The following NEXMIF variants were observed in gnomAD, a reference collection of about 807,000 sequenced individuals.
NEXMIF encodes neurite extension and migration factor.
Under a neutral mutation model 62.1 loss-of-function variants are expected in NEXMIF, and 8 were observed. That is an observed-to-expected ratio of 0.13 (90% confidence interval 0.08 to 0.23). The LOEUF (loss-of-function observed/expected upper bound fraction) is 0.23, where lower values mean the gene tolerates loss of function less well. NEXMIF is among the 10% of genes least tolerant of loss of function. The pLI is 1.00. For synonymous variants in NEXMIF, 404 were observed against 416.6 expected (o/e 0.97, Z 0.37); for missense variants, 976 against 1,113.3 (o/e 0.88, Z 1.75).
chrX:74,801,671 A>G (rs1371519518), intron 1 of NEXMIF, among the ~76,000 whole-genome samples: 1 of 112,262 alleles, frequency 8.9e-6, no homozygotes, highest in Admixed American at 9.4e-5. Flanking sequence ...CCTGCCTGAG[A>G]AAAGCAAAGG....
At chrX:74,837,864 A>G (rs1265833718) in intron 1 of NEXMIF, among the ~76,000 whole-genome samples, 1 of 112,219 alleles carries the variant, frequency 8.9e-6, no homozygotes, top group African/African-American at 3.2e-5. Flanking sequence ...AGGAAAAAAA[A>G]CTGAGCTTAT....
chrX:74,810,976 CT>C (rs2080358661), intron 1 of NEXMIF, among the ~76,000 whole-genome samples: 1 of 111,344 alleles, frequency 9.0e-6, no homozygotes, highest in Admixed American at 9.6e-5. Flanking sequence ...AGGCACTGGA[CT>C]TTATATATAT....
In NEXMIF at chrX:74,740,855, T is replaced by A. The variant is rs2080100228; in HGVS notation, c.3702A>T (p.Gly1234=). 1 of 1,210,808 alleles carries A rather than the reference T, an allele frequency of 8.3e-7. No individual in the cohort carries two copies. The highest frequency in any genetic ancestry group is 2.2e-5 in the Admixed American group (1 of 45,879). ...GGCCAATGCCAATTTGCATTTTCTC[T>A]CCATTGATGGCAGCCATGTATTTCC... ...KKGKYMAAIN[G]EKMQIGIGRG... is the part of the protein sequence containing the mutation. Residue 1234 remains glycine, a synonymous_variant, in exon 3 of 4, where the codon GGA becomes GGT. Transcript: ENST00000055682.
intron 1 of NEXMIF, among the ~76,000 whole-genome samples, chrX:74,764,317 T>C (rs189904606): frequency 2.2e-4 from 25 of 111,939 alleles, no homozygotes; most frequent in African/African-American, 7.1e-4. Flanking sequence ...AGGGATGAAG[T>C]CCACTTGATC....
chrX:74,883,406 T>C (rs1366318162), intron 1 of NEXMIF, among the ~76,000 whole-genome samples: 1 of 110,725 alleles, frequency 9.0e-6, no homozygotes, highest in African/African-American at 3.3e-5. Context: ...GAAAAAAAAT[T>C]AGATGAATGG....
chrX:74,733,316 G>A lies in NEXMIF; in HGVS notation c.*6089C>T, dbSNP rs1489038205. On this transcript the variant is annotated 3_prime_UTR_variant, in exon 4 of 4. Coordinates refer to ENST00000055682, the MANE Select transcript of NEXMIF (RefSeq NM_001008537.3). ...TTTCCCCTTATGTTATGTTTATCTC[G>A]AAATGTAATTTTACATGTTAAATCT... 1 of 111,980 alleles carries A rather than the reference G, an allele frequency of 8.9e-6. No individual in the cohort carries two copies. The highest frequency in any genetic ancestry group is 2.8e-4 in the East Asian group (1 of 3,591). The allele number at this position is 111,980 out of a possible 1,213,427, so 9.2% of individuals were successfully genotyped here.
At chrX:74,895,471 T>C (rs1286387769) in intron 1 of NEXMIF, among the ~76,000 whole-genome samples, 1 of 111,680 alleles carries the variant, frequency 9.0e-6, no homozygotes, top group Non-Finnish European at 1.9e-5. Flanking sequence ...AAAATGTATA[T>C]GGAACAACAA....
At chrX:74,892,227 C>A (rs2080720070) in intron 1 of NEXMIF, among the ~76,000 whole-genome samples, 1 of 112,094 alleles carries the variant, frequency 8.9e-6, no homozygotes, top group South Asian at 3.7e-4. Flanking sequence ...AAAAGCTAAA[C>A]ACAAGATGGA....
chrX:74,810,493 A>G (rs2080356967), intron 1 of NEXMIF, among the ~76,000 whole-genome samples: 2 of 110,784 alleles, frequency 1.8e-5, no homozygotes, highest in South Asian at 3.9e-4. Flanking sequence ...AAAAGCATTA[A>G]GAAACCTGGG....
chrX:74,827,144 A>G (rs1264351300), intron 1 of NEXMIF, among the ~76,000 whole-genome samples: 4 of 112,519 alleles, frequency 3.6e-5, no homozygotes, highest in Non-Finnish European at 7.5e-5. Flanking sequence ...GGCTCAGACA[A>G]CCTAAATGAC....
rs758407007 is a variant in NEXMIF, at chrX:74,880,293, C to A, written c.-48+44590G>T. 2.7e-5 allele frequency among the ~76,000 whole-genome samples: 3 copies of A among 111,823 alleles called. No homozygotes were observed. In the East Asian group the frequency reaches 8.4e-4, roughly 31 times the overall value. On this transcript the variant is annotated intron_variant, in intron 1 of 3. Coordinates refer to ENST00000055682, the MANE Select transcript of NEXMIF (RefSeq NM_001008537.3). ...AGGTGGAAATCAAACATAACTTCCA[C>A]AGACAGACTGAACCACCCTCTTTCA...
chrX:74,744,326 C>T lies in NEXMIF; in HGVS notation c.231G>A (p.Pro77=), dbSNP rs757068776. 10 of 1,211,383 alleles carry T rather than the reference C, an allele frequency of 8.3e-6. No individual in the cohort carries two copies. In the South Asian group the frequency reaches 8.8e-5, roughly 11 times the overall value. The change falls in exon 3 of 4, where the codon CCG becomes CCA. Residue 77 remains proline (P), a synonymous_variant. Coordinates refer to ENST00000055682, the MANE Select transcript of NEXMIF (RefSeq NM_001008537.3). ...CTTCAATCAGGCCCAAAGGAGAGGGCGGGCTCTGCATACAGGGCTTCTTAG... is the reference window on the plus strand; with the variant it reads ...CTTCAATCAGGCCCAAAGGAGAGGGTGGGCTCTGCATACAGGGCTTCTTAG... ...LPSKKPCMQS[P]PSPLGLIEAP... is the part of the protein sequence containing the mutation.
chrX:74,833,139 G>A (rs1602243669), intron 1 of NEXMIF, among the ~76,000 whole-genome samples: 1 of 111,864 alleles, frequency 8.9e-6, no homozygotes, highest in East Asian at 2.8e-4. Context: ...TTGTTCTATA[G>A]AGAAGATTAA....
chrX:74,862,047 G>T (rs1288820723), intron 1 of NEXMIF, among the ~76,000 whole-genome samples: 1 of 110,879 alleles, frequency 9.0e-6, no homozygotes, highest in African/African-American at 3.3e-5. Flanking sequence ...GACACAGAAT[G>T]GTAAGCTGGG....
chrX:74,924,727 A>G (rs374808870), intron 1 of NEXMIF, among the ~76,000 whole-genome samples, 156 bp downstream of exon 1: 7 of 113,451 alleles, frequency 6.2e-5, no homozygotes, highest in Non-Finnish European at 1.3e-4. Flanking sequence ...ACACAGACAC[A>G]CACATTCGCA....
chrX:74,887,059 C>T (rs1211791995), intron 1 of NEXMIF, among the ~76,000 whole-genome samples: 2 of 112,353 alleles, frequency 1.8e-5, no homozygotes, highest in Non-Finnish European at 3.8e-5. Context: ...AAAGGATTCC[C>T]TATTTAATAA....
At chrX:74,902,955 T>C (rs1225266315) in intron 1 of NEXMIF, among the ~76,000 whole-genome samples, 5 of 111,385 alleles carry the variant, frequency 4.5e-5, no homozygotes, top group African/African-American at 1.6e-4. Context: ...GAAGGGTAAA[T>C]GCTACTGCAG....
At chrX:74,848,708 C>A (rs759880999) in intron 1 of NEXMIF, among the ~76,000 whole-genome samples, 1 of 112,371 alleles carries the variant, frequency 8.9e-6, no homozygotes, top group African/African-American at 3.2e-5. Flanking sequence ...ATTAAAAGAG[C>A]AGTTTGTGTC....
At chrX:74,898,655 C>T (rs1406029672) in intron 1 of NEXMIF, among the ~76,000 whole-genome samples, 2 of 111,499 alleles carry the variant, frequency 1.8e-5, no homozygotes, top group Non-Finnish European at 3.8e-5. Flanking sequence ...TGGGAATTTT[C>T]TTTATTATCA....
Sources: gnomAD v4.1 joint callset for allele counts (sites outside exome capture counted in the v4.1 genomes callset) on GRCh38, gnomAD v4.1.1 for gene constraint, MANE v1.5 for transcripts, NCBI Gene and HGNC (gene_info 2026-07-23, HGNC 2026-07-21) for gene names.